PRKG2: variants seen among roughly 807,000 people sequenced by gnomAD.
The protein encoded by PRKG2 is cGMP-dependent protein kinase 2.
In PRKG2, 33 loss-of-function variants were observed where a neutral mutation model predicts 97.2. The ratio of observed to expected loss-of-function variants is 0.34; its 90% CI spans 0.26 to 0.45. The LOEUF (loss-of-function observed/expected upper bound fraction) is 0.45. Ranked by LOEUF, PRKG2 falls within the 20% of genes least tolerant of loss-of-function variation. The probability of loss-of-function intolerance (pLI) is 1.00; values close to 1 mark genes in which losing one functional copy is unlikely to be tolerated. For synonymous variants in PRKG2, 330 were observed against 321.8 expected (o/e 1.03, Z -0.27); for missense variants, 638 against 900.0 (o/e 0.71, Z 3.73).
chr4:81,167,142 T>G lies in PRKG2; in HGVS notation c.912+19A>C. The G allele has an allele frequency of 6.6e-7, 1 of 1,505,320 alleles. No homozygotes were observed. The highest frequency in any genetic ancestry group is 9.1e-7 in the Non-Finnish European group (1 of 1,100,922). 93.2% of individuals were successfully genotyped at this position (1,505,320 alleles called of 1,614,324 possible). On this transcript the variant is annotated intron_variant, in intron 6 of 18. Transcript: ENST00000264399. Reference sequence around the variant, plus strand: ...AATATCTTCTAATGAAATTTATTTTTTACTTCAAAATTTCTTACCACTTCC... The same window carrying G: ...AATATCTTCTAATGAAATTTATTTTGTACTTCAAAATTTCTTACCACTTCC...
At chr4:81,108,714 G>A (rs1433425008) in intron 15 of PRKG2, among the ~76,000 whole-genome samples, 1 of 152,002 alleles carries the variant, frequency 6.6e-6, no homozygotes, top group African/African-American at 2.4e-5. Context: ...GGGTAACACA[G>A]TAAGATACCA....
At chr4:81,089,825 C>A (rs748093439) in intron 18 of PRKG2, 22 bp from the exon 19 acceptor site, 1 of 1,547,364 alleles carries the variant, frequency 6.5e-7, no homozygotes, top group South Asian at 1.1e-5. Flanking sequence ...ATAATTAAAA[C>A]AAAAGGAAGA....
chr4:81,151,946 AT>A lies in PRKG2; in HGVS notation c.1085+13del, dbSNP rs1191893473. On this transcript the variant is annotated intron_variant, in intron 8 of 18. Transcript: ENST00000264399. The stretch of plus-strand genomic sequence containing the variant: ...CATTTTATCCAAAGTATGGCATATA[AT>A]TCATGAATTCACCTGATAAGAGCTT... The A allele has an allele frequency of 6.4e-7, 1 of 1,572,346 alleles. No individual in the cohort carries two copies. Among genetic ancestry groups the A allele is most frequent in the Non-Finnish European group, 8.7e-7 (1 of 1,145,196 alleles).
intron 6 of PRKG2, among the ~76,000 whole-genome samples, chr4:81,157,885 C>T (rs1749247297): frequency 6.8e-6 from 1 of 146,640 alleles, no homozygotes; most frequent in Non-Finnish European, 1.5e-5. Context: ...AACAACGCTT[C>T]ACGCTAAAAA....
chr4:81,202,579 A>G (rs1307773961), intron 2 of PRKG2, among the ~76,000 whole-genome samples: 2 of 152,172 alleles, frequency 1.3e-5, no homozygotes, highest in African/African-American at 4.8e-5. Flanking sequence ...TCCTGACCAC[A>G]ACACAGACTT....
chr4:81,121,513 G>T (rs1250490008), intron 14 of PRKG2, among the ~76,000 whole-genome samples: 1 of 152,004 alleles, frequency 6.6e-6, no homozygotes, highest in Non-Finnish European at 1.5e-5. Flanking sequence ...TATTCCTCTT[G>T]TGTGACTTTT....
intron 14 of PRKG2, among the ~76,000 whole-genome samples, chr4:81,127,873 T>C (rs941190935): frequency 1.3e-5 from 2 of 152,206 alleles, no homozygotes; most frequent in Admixed American, 6.5e-5. Context: ...CTATGTTGAA[T>C]AGGAGTGGTG....
At chr4:81,160,807 TGAG>T (rs753187700) in intron 6 of PRKG2, among the ~76,000 whole-genome samples, 39 of 152,262 alleles carry the variant, frequency 2.6e-4, no homozygotes, top group Non-Finnish European at 4.1e-4. Context: ...AGAAAATTCT[TGAG>T]GAGGGAAAAG....
At chr4:81,104,455 G>A (rs776864436) in intron 16 of PRKG2, 23 bp from the exon 17 acceptor site, 1 of 1,212,602 alleles carries the variant, frequency 8.2e-7, no homozygotes, top group Non-Finnish European at 1.1e-6. Context: ...TTTGTAAAAG[G>A]CAATTTATAA....
chr4:81,187,905 A>C (rs1274004412), intron 2 of PRKG2, among the ~76,000 whole-genome samples: 1 of 152,142 alleles, frequency 6.6e-6, no homozygotes, highest in Non-Finnish European at 1.5e-5. Context: ...GTTAGACCTA[A>C]AACCATAAAA....
intron 15 of PRKG2, among the ~76,000 whole-genome samples, chr4:81,106,478 GA>G (rs1321674405): frequency 2.0e-5 from 3 of 152,178 alleles, no homozygotes; most frequent in African/African-American, 7.2e-5. Context: ...TGGGCTATCA[GA>G]AGGACCTGGG....
intron 1 of PRKG2, among the ~76,000 whole-genome samples, chr4:81,214,601 TC>T (rs1425036752): frequency 1.3e-5 from 2 of 151,888 alleles, no homozygotes; most frequent in Middle Eastern, 3.4e-3. Flanking sequence ...AGCCCCTAGC[TC>T]GGAGCAACAG....
chr4:81,151,963 A>G lies in PRKG2; in HGVS notation c.1082T>C (p.Ile361Thr), dbSNP rs1748445454. ...GGCATATAATTCATGAATTCACCTG[A>G]TAAGAGCTTTTTCTCCAAAGTATTC... ...KGEYFGEKAL[I>T]SDDVRSANII... The change falls in exon 8 of 19, where the codon ATC becomes ACC. Residue 361 changes from isoleucine to threonine, a missense_variant. Transcript: ENST00000264399. 1 of 1,605,100 alleles carries G rather than the reference A, an allele frequency of 6.2e-7. No individual in the cohort carries two copies. Among genetic ancestry groups the G allele is most frequent in the Non-Finnish European group, 8.5e-7 (1 of 1,173,030 alleles).
intron 2 of PRKG2, among the ~76,000 whole-genome samples, chr4:81,190,779 T>C (rs6842611): frequency 0.23 from 34,953 of 152,038 alleles, 7,986 homozygotes; most frequent in African/African-American, 0.58. Context: ...GTGAAGAATA[T>C]GAATAGACAC....
intron 6 of PRKG2, among the ~76,000 whole-genome samples, chr4:81,156,902 C>T (rs1228835147): frequency 2.0e-5 from 3 of 152,098 alleles, no homozygotes; most frequent in Admixed American, 6.5e-5. Context: ...ACACAGCATA[C>T]CAGAATCTCT....
intron 9 of PRKG2, among the ~76,000 whole-genome samples, chr4:81,146,670 C>A (rs1747887167): frequency 6.6e-6 from 1 of 152,072 alleles, no homozygotes; most frequent in Non-Finnish European, 1.5e-5. Context: ...TTCCCATATG[C>A]CAAGGACTAT....
At chr4:81,194,597 T>TTC (rs144412702) in intron 2 of PRKG2, among the ~76,000 whole-genome samples, 7,341 of 151,898 alleles carry the variant, frequency 0.048, 600 homozygotes, top group African/African-American at 0.17. Context: ...AACAAAACAT[T>TTC]TCTCTCTCTC....
At position 81,142,626 on chromosome 4, in the gene PRKG2, T is replaced by C. The variant is rs529728950; in HGVS notation, c.1407+168A>G. ...TACAAGTTACTTACTAGCACAGACCTGCTACTATACAATATACAGAGTGAA... is the reference window on the plus strand; with the variant it reads ...TACAAGTTACTTACTAGCACAGACCCGCTACTATACAATATACAGAGTGAA... On this transcript the variant is annotated intron_variant, in intron 11 of 18. Transcript: ENST00000264399. Among the ~76,000 whole-genome samples, 326 of 152,322 alleles carry C rather than the reference T, an allele frequency of 2.1e-3. 5 individuals are homozygous for C. The highest frequency in any genetic ancestry group is 0.014 in the South Asian group (67 of 4,832).
In PRKG2 at chr4:81,164,486, A is replaced by C. The variant is rs891899125; in HGVS notation, c.912+2675T>G. On this transcript the variant is annotated intron_variant, in intron 6 of 18. Coordinates refer to ENST00000264399, the MANE Select transcript of PRKG2 (RefSeq NM_006259.3). ...ATCCTGGTTTATGCGAGTGTTGGTA[A>C]GGACTACAAGAAAGACTAGACTTGA... Among the ~76,000 whole-genome samples the C allele has an allele frequency of 9.9e-5, 15 of 152,120 alleles. No individual in the cohort carries two copies. In the Admixed American group the frequency reaches 9.9e-4, roughly 10 times the overall value.
Sources: gnomAD v4.1 joint callset for allele counts (sites outside exome capture counted in the v4.1 genomes callset) on GRCh38, gnomAD v4.1.1 for gene constraint, MANE v1.5 for transcripts, NCBI Gene and HGNC (gene_info 2026-07-23, HGNC 2026-07-21) for gene names.